Variants in BTBD9 observed in about 807,000 individuals in gnomAD.
BTBD9 encodes BTB/POZ domain-containing protein 9.
Under a neutral mutation model 64.3 loss-of-function variants are expected in BTBD9, and 49 were observed. That is an observed-to-expected ratio of 0.76 (90% CI 0.61 to 0.97). The LOEUF is 0.97. BTBD9 is among the 50% of genes least tolerant of loss of function. The pLI is 0.00. For missense variants in BTBD9, 598 were observed against 762.1 expected, an observed-to-expected ratio of 0.78 and a Z score of 2.53; for synonymous variants, 260 against 274.7, an observed-to-expected ratio of 0.95 and a Z score of 0.53.
At position 38,479,765 on chromosome 6, in the gene BTBD9, G is replaced by A. The variant is rs562990590; in HGVS notation, c.1154+97835C>T. Among the ~76,000 whole-genome samples the A allele has an allele frequency of 3.9e-4, 60 of 152,306 alleles. No homozygotes were observed. In the South Asian group the frequency reaches 9.3e-3, roughly 24 times the overall value. On this transcript the variant is annotated intron_variant, in intron 6 of 10. Coordinates refer to ENST00000481247, the MANE Select transcript of BTBD9 (RefSeq NM_001099272.2). ...TTTTTAAAAGACAGGATCTGGCTCTGTCGCCCAGGCTAGAGTGCAGTGGCG... is the reference window on the plus strand; with the variant it reads ...TTTTTAAAAGACAGGATCTGGCTCTATCGCCCAGGCTAGAGTGCAGTGGCG...
At chr6:38,493,730 A>G (rs1004810643) in intron 6 of BTBD9, among the ~76,000 whole-genome samples, 4 of 152,214 alleles carry the variant, frequency 2.6e-5, no homozygotes, top group Non-Finnish European at 5.9e-5. Context: ...GTGGGGATGG[A>G]GCTAGCTGTG....
intron 6 of BTBD9, among the ~76,000 whole-genome samples, chr6:38,421,222 G>A (rs1486878110): frequency 6.6e-6 from 1 of 152,084 alleles, no homozygotes; most frequent in Non-Finnish European, 1.5e-5. Context: ...CAGGCGTGGT[G>A]ATGGGTGCCT....
At chr6:38,340,934 T>A (rs1197073182) in intron 7 of BTBD9, among the ~76,000 whole-genome samples, 4 of 152,214 alleles carry the variant, frequency 2.6e-5, no homozygotes, top group Non-Finnish European at 4.4e-5. Context: ...ATTAAGGCTC[T>A]ATCTAACTAC....
intron 1 of BTBD9, among the ~76,000 whole-genome samples, chr6:38,612,295 C>T (rs998390765): frequency 2.0e-5 from 3 of 152,194 alleles, no homozygotes; most frequent in African/African-American, 7.2e-5. Context: ...GTCTGCTCTT[C>T]AACTAATATT....
chr6:38,490,443 C>T (rs1416306137), intron 6 of BTBD9, among the ~76,000 whole-genome samples: 2 of 152,130 alleles, frequency 1.3e-5, no homozygotes, highest in Non-Finnish European at 2.9e-5. Context: ...GCCTCAGTCT[C>T]CCGAGTAGCT....
At chr6:38,280,515 A>C (rs1373984612) in intron 8 of BTBD9, among the ~76,000 whole-genome samples, 1 of 152,238 alleles carries the variant, frequency 6.6e-6, no homozygotes, top group East Asian at 1.9e-4. Context: ...ATCTTAATCC[A>C]AGCCAGAAGA....
At chr6:38,467,776 A>G (rs994985774) in intron 6 of BTBD9, among the ~76,000 whole-genome samples, 6 of 152,214 alleles carry the variant, frequency 3.9e-5, no homozygotes, top group South Asian at 2.1e-4. Flanking sequence ...AAATTACCCA[A>G]GCTTAAAAAT....
At chr6:38,264,208 C>T (rs952716438) in intron 8 of BTBD9, among the ~76,000 whole-genome samples, 14 of 152,048 alleles carry the variant, frequency 9.2e-5, no homozygotes, top group African/African-American at 1.7e-4. Context: ...CTCTCCTCAG[C>T]GGTGGCACTG....
chr6:38,230,325 G>A (rs1046795938), intron 9 of BTBD9, among the ~76,000 whole-genome samples: 1 of 151,916 alleles, frequency 6.6e-6, no homozygotes, highest in African/African-American at 2.4e-5. Flanking sequence ...GAGAAACCCT[G>A]TCTCTACTAA....
At chr6:38,257,253 G>C (rs1177115616) in intron 8 of BTBD9, among the ~76,000 whole-genome samples, 1 of 150,334 alleles carries the variant, frequency 6.7e-6, no homozygotes, top group African/African-American at 2.5e-5. Flanking sequence ...GCCCAGACTG[G>C]ACTGCAGGGA....
chr6:38,351,694 T>C (rs1764521520), intron 6 of BTBD9, among the ~76,000 whole-genome samples: 1 of 151,776 alleles, frequency 6.6e-6, no homozygotes, highest in Non-Finnish European at 1.5e-5. Context: ...AGAGATGGAG[T>C]TTCACCATGT....
intron 1 of BTBD9, among the ~76,000 whole-genome samples, chr6:38,610,925 G>T (rs73733958): frequency 0.12 from 17,002 of 144,410 alleles, 1,175 homozygotes; most frequent in Non-Finnish European, 0.15. Flanking sequence ...GGTGGGGGGG[G>T]GACTAAACGT....
At chr6:38,393,197 A>G (rs188897101) in intron 6 of BTBD9, among the ~76,000 whole-genome samples, 69 of 152,290 alleles carry the variant, frequency 4.5e-4, no homozygotes, top group African/African-American at 1.6e-3. Context: ...ACCAGCCAAG[A>G]CAATGATTTT....
At chr6:38,541,192 A>G (rs1268929762) in intron 6 of BTBD9, among the ~76,000 whole-genome samples, 2 of 152,234 alleles carry the variant, frequency 1.3e-5, no homozygotes, top group African/African-American at 4.8e-5. Context: ...CCTCATATAA[A>G]AAGCATGAAA....
intron 1 of BTBD9, among the ~76,000 whole-genome samples, chr6:38,617,750 CTCCCTCAGTG>C (rs1211484737): frequency 3.3e-5 from 5 of 152,184 alleles, no homozygotes; most frequent in Non-Finnish European, 7.3e-5. Flanking sequence ...AATCCCTTCC[CTCCCTCAGTG>C]TATGGCCCTC....
At chr6:38,599,409 C>T (rs2127498895) in intron 1 of BTBD9, among the ~76,000 whole-genome samples, 1 of 152,286 alleles carries the variant, frequency 6.6e-6, no homozygotes, top group East Asian at 1.9e-4. Context: ...CCTCAGCCTG[C>T]CAAGTAGCTG....
intron 6 of BTBD9, among the ~76,000 whole-genome samples, chr6:38,485,789 T>A (rs1771368139): frequency 6.6e-6 from 1 of 152,222 alleles, no homozygotes; most frequent in Non-Finnish European, 1.5e-5. Context: ...AGTTACCAGC[T>A]ACATTAGCCC....
chr6:38,298,417 G>A (rs1281209364), intron 7 of BTBD9, among the ~76,000 whole-genome samples: 2 of 152,108 alleles, frequency 1.3e-5, no homozygotes, highest in South Asian at 2.1e-4. Context: ...TGGAGTACAT[G>A]TGATATTTTA....
intron 6 of BTBD9, 147 bp downstream of exon 6, chr6:38,577,453 C>T (rs1478329705): frequency 5.5e-6 from 4 of 730,578 alleles, no homozygotes; most frequent in East Asian, 2.7e-5. Context: ...ATTTTCCATA[C>T]TTTCCTAAGT....
Sources: gnomAD v4.1 joint callset for allele counts (sites outside exome capture counted in the v4.1 genomes callset) on GRCh38, gnomAD v4.1.1 for gene constraint, MANE v1.5 for transcripts, NCBI Gene and HGNC (gene_info 2026-07-23, HGNC 2026-07-21) for gene names.